ERC1: variants seen among roughly 807,000 people sequenced by gnomAD.
The protein encoded by ERC1 is RAB6 interacting protein 2.
In ERC1, 56 loss-of-function variants were observed where a neutral mutation model predicts 132.0. The observed-to-expected ratio is 0.42, with a 90% CI of 0.34 to 0.53. ERC1 has a LOEUF of 0.53. ERC1 is among the 20% of genes least tolerant of loss of function. The pLI is 0.03. For missense variants in ERC1, 1,202 were observed against 1,349.9 expected, an observed-to-expected ratio of 0.89 and a Z score of 1.72; for synonymous variants, 478 against 476.1, an observed-to-expected ratio of 1.00 and a Z score of -0.05.
rs138120125 is a variant in ERC1, at chr12:1,154,720, A to G, written c.1737+12933A>G. Among the ~76,000 whole-genome samples, 1,265 of 152,300 alleles carry G rather than the reference A, an allele frequency of 8.3e-3. 11 individuals carry two copies. The highest frequency in any genetic ancestry group is 0.031 in the Middle Eastern group (9 of 294). On this transcript the variant is annotated intron_variant, in intron 8 of 18. Transcript: ENST00000360905. ...AGGAACTTAAATCAACAAGAAAAAAAAATAATCCCATAAAAAATGGGCAAA... is the reference window on the plus strand; with the variant it reads ...AGGAACTTAAATCAACAAGAAAAAAGAATAATCCCATAAAAAATGGGCAAA...
chr12:1,031,967 T>G (rs935411907), intron 2 of ERC1, among the ~76,000 whole-genome samples: 1 of 152,130 alleles, frequency 6.6e-6, no homozygotes, highest in Non-Finnish European at 1.5e-5. Flanking sequence ...CAGGAACTTA[T>G]GTTTCGAACA....
intron 2 of ERC1, among the ~76,000 whole-genome samples, chr12:1,063,243 C>CATGT (rs112718723): frequency 0.95 from 142,856 of 149,710 alleles, 68,297 homozygotes; most frequent in East Asian, 0.99. Flanking sequence ...TGATTTTTTG[C>CATGT]ATGTATGTAT....
chr12:1,329,245 G>C (rs1349257868), intron 15 of ERC1, among the ~76,000 whole-genome samples: 7 of 141,340 alleles, frequency 5.0e-5, no homozygotes. Context: ...AGTGAGCCAA[G>C]ATCACGCCAC....
intron 15 of ERC1, among the ~76,000 whole-genome samples, chr12:1,295,365 A>G (rs555413732): frequency 6.6e-6 from 1 of 152,326 alleles, no homozygotes; most frequent in South Asian, 2.1e-4. Flanking sequence ...AGTAATTCAT[A>G]TACAAGCACA....
At chr12:1,015,327 G>T (rs888934598) in intron 1 of ERC1, among the ~76,000 whole-genome samples, 2 of 152,050 alleles carry the variant, frequency 1.3e-5, no homozygotes, top group Admixed American at 1.3e-4. Context: ...TTAAAGTGCT[G>T]GGATTACAAG....
chr12:1,319,918 G>T (rs2082000725), intron 15 of ERC1, among the ~76,000 whole-genome samples: 1 of 151,998 alleles, frequency 6.6e-6, no homozygotes, highest in African/African-American at 2.4e-5. Flanking sequence ...TATGCAGGGG[G>T]GCGGCTTCTT....
chr12:1,375,036 G>A (rs542745895), intron 16 of ERC1, among the ~76,000 whole-genome samples: 6 of 152,042 alleles, frequency 3.9e-5, no homozygotes, highest in East Asian at 1.9e-4. Context: ...CACAGTGCTC[G>A]TCTTAAGGGA....
At chr12:1,363,662 C>T (rs1025883101) in intron 15 of ERC1, among the ~76,000 whole-genome samples, 2 of 150,120 alleles carry the variant, frequency 1.3e-5, no homozygotes, top group African/African-American at 4.9e-5. Context: ...TCAAAGGATG[C>T]TCCCACCTCA....
rs1232923140 is a variant in ERC1, at chr12:1,494,691, C to T, written c.*4461C>T. On this transcript the variant is annotated 3_prime_UTR_variant, in exon 19 of 19. Coordinates refer to ENST00000360905, the MANE Select transcript of ERC1 (RefSeq NM_178040.4). ...GGGAGCGGGTTTTTGTCCCATCCCA[C>T]CTCCTCTCTTCTTTCTCTGCTTGTC... The T allele has an allele frequency of 4.3e-6, 1 of 231,204 alleles. No individual in the cohort carries two copies. The highest frequency in any genetic ancestry group is 6.1e-5 in the East Asian group (1 of 16,352). The allele number at this position is 231,204 out of a possible 1,614,324, so 14.3% of individuals were successfully genotyped here.
chr12:1,314,291 A>G (rs1311892125), intron 15 of ERC1, among the ~76,000 whole-genome samples: 1 of 152,190 alleles, frequency 6.6e-6, no homozygotes, highest in African/African-American at 2.4e-5. Context: ...TCACAAAACT[A>G]TACACGCAGA....
intron 11 of ERC1, among the ~76,000 whole-genome samples, chr12:1,185,225 A>G (rs1348578569): frequency 6.6e-6 from 1 of 151,766 alleles, no homozygotes; most frequent in Non-Finnish European, 1.5e-5. Flanking sequence ...TTTTTTTTAA[A>G]TAGAGGGGTC....
At chr12:1,168,732 C>G (rs1396642020) in intron 8 of ERC1, among the ~76,000 whole-genome samples, 1 of 152,020 alleles carries the variant, frequency 6.6e-6, no homozygotes, top group African/African-American at 2.4e-5. Context: ...GATGATCTGC[C>G]CGCCTCGGCC....
chr12:1,375,093 A>G (rs548324907), intron 16 of ERC1, among the ~76,000 whole-genome samples: 3 of 123,212 alleles, frequency 2.4e-5, no homozygotes, highest in African/African-American at 3.8e-5. Flanking sequence ...GTCATCTGGC[A>G]GACATTCTGT....
intron 15 of ERC1, among the ~76,000 whole-genome samples, chr12:1,307,383 G>A (rs562572410): frequency 6.6e-6 from 1 of 152,266 alleles, no homozygotes; most frequent in Admixed American, 6.5e-5. Flanking sequence ...TAGGTGAGGT[G>A]TTTGTTGTTT....
intron 8 of ERC1, among the ~76,000 whole-genome samples, chr12:1,165,465 C>A (rs143930763): frequency 0.015 from 2,233 of 152,102 alleles, 28 homozygotes; most frequent in Non-Finnish European, 0.025. Flanking sequence ...GCCACCATGC[C>A]CGGCGAATTT....
intron 8 of ERC1, chr12:1,152,018 G>A (rs2154254846): frequency 6.6e-6 from 1 of 152,348 alleles, no homozygotes; most frequent in African/African-American, 2.4e-5. Context: ...GGCCAACATG[G>A]TGAAACCCTG....
chr12:1,258,848 GTA>G (rs1335912590), intron 13 of ERC1, among the ~76,000 whole-genome samples: 1 of 152,166 alleles, frequency 6.6e-6, no homozygotes, highest in Non-Finnish European at 1.5e-5. Context: ...GCACAATGAT[GTA>G]TAATCCATAC....
intron 14 of ERC1, among the ~76,000 whole-genome samples, chr12:1,272,292 G>T (rs1026865093): frequency 6.6e-6 from 1 of 152,228 alleles, no homozygotes; most frequent in Non-Finnish European, 1.5e-5. Flanking sequence ...GCCCTCTGTG[G>T]TTCCAAGGGG....
chr12:1,186,853 CAG>C (rs1256027733), intron 11 of ERC1, among the ~76,000 whole-genome samples: 3 of 152,088 alleles, frequency 2.0e-5, no homozygotes, highest in South Asian at 2.1e-4. Context: ...TTTTTTGTGA[CAG>C]AGTCTCACTC....
Sources: allele counts gnomAD v4.1 joint callset (sites outside exome capture counted in the v4.1 genomes callset), GRCh38; gene constraint gnomAD v4.1.1; transcripts MANE v1.5; gene names NCBI Gene and HGNC (gene_info 2026-07-23, HGNC 2026-07-21).